ADAMTS17: variants seen among roughly 807,000 people sequenced by gnomAD.
ADAMTS17 encodes ADAM metallopeptidase with thrombospondin type 1 motif 17, also known as A disintegrin and metalloproteinase with thrombospondin motifs 17.
Under a neutral mutation model 141.5 loss-of-function variants are expected in ADAMTS17, and 113 were observed. The observed-to-expected ratio is 0.80, with a 90% CI of 0.69 to 0.93. The LOEUF (loss-of-function observed/expected upper bound fraction) is 0.93. Among genes scored for constraint, ADAMTS17 ranks in the 40% least tolerant of loss-of-function variants. ADAMTS17 has a pLI of 0.00. For synonymous variants in ADAMTS17, 768 were observed against 630.6 expected (o/e 1.22, Z -3.27); for missense variants, 1,659 against 1,517.9 (o/e 1.09, Z -1.54).
intron 15 of ADAMTS17, among the ~76,000 whole-genome samples, chr15:100,080,589 A>T (rs149328192): frequency 2.0e-5 from 3 of 152,196 alleles, no homozygotes; most frequent in Non-Finnish European, 4.4e-5. Flanking sequence ...TGCTGAAGGC[A>T]AAGGGAATAC....
intron 3 of ADAMTS17, among the ~76,000 whole-genome samples, chr15:100,329,013 A>G (rs1278600533): frequency 6.6e-6 from 1 of 152,156 alleles, no homozygotes; most frequent in Non-Finnish European, 1.5e-5. Context: ...TTTCAACACC[A>G]GCTGAACATC....
chr15:100,048,770 GGCAT>G, intron 18 of ADAMTS17, 83 bp downstream of exon 18: 2 of 1,569,328 alleles, frequency 1.3e-6, no homozygotes, highest in Non-Finnish European at 1.7e-6. Flanking sequence ...GCAGTACTGT[GGCAT>G]TAACTGCATA....
intron 10 of ADAMTS17, among the ~76,000 whole-genome samples, chr15:100,143,128 G>A (rs1229775798): frequency 1.3e-5 from 2 of 152,226 alleles, no homozygotes; most frequent in African/African-American, 4.8e-5. Flanking sequence ...CAGGGTGGTG[G>A]TGATGGGGCA....
intron 13 of ADAMTS17, among the ~76,000 whole-genome samples, chr15:100,110,412 C>T (rs35038809): frequency 0.27 from 40,160 of 150,860 alleles, 5,659 homozygotes; most frequent in East Asian, 0.37. Context: ...CTACAGGCAC[C>T]CGCCACCATG....
At chr15:100,241,458 T>C (rs1239151987) in intron 7 of ADAMTS17, among the ~76,000 whole-genome samples, 1 of 152,226 alleles carries the variant, frequency 6.6e-6, no homozygotes, top group Non-Finnish European at 1.5e-5. Flanking sequence ...TTCTGATTGT[T>C]GCGGTAATTT....
At chr15:100,149,086 C>T (rs571156106) in intron 10 of ADAMTS17, among the ~76,000 whole-genome samples, 54 of 152,350 alleles carry the variant, frequency 3.5e-4, no homozygotes, top group African/African-American at 1.2e-3. Context: ...TGAGGGATAA[C>T]AGCATATGTA....
intron 7 of ADAMTS17, among the ~76,000 whole-genome samples, chr15:100,199,690 C>T (rs1344727592): frequency 6.6e-6 from 1 of 152,184 alleles, no homozygotes; most frequent in African/African-American, 2.4e-5. Context: ...AACTTAATCC[C>T]CGTGACCCAG....
chr15:100,317,466 C>A (rs1335741295), intron 3 of ADAMTS17, among the ~76,000 whole-genome samples: 1 of 152,124 alleles, frequency 6.6e-6, no homozygotes, highest in African/African-American at 2.4e-5. Flanking sequence ...AGCAGAGGGT[C>A]TGCTTGACCC....
intron 14 of ADAMTS17, among the ~76,000 whole-genome samples, chr15:100,104,096 G>A (rs1363318337): frequency 2.0e-5 from 3 of 152,186 alleles, no homozygotes; most frequent in African/African-American, 4.8e-5. Flanking sequence ...AGTAAGGCAA[G>A]CATAGCTGGG....
intron 1 of ADAMTS17, 43 bp from the exon 2 acceptor site, chr15:100,341,452 C>G: frequency 8.9e-6 from 9 of 1,008,678 alleles, no homozygotes; most frequent in Non-Finnish European, 1.1e-5. Context: ...GGGGCCCGCC[C>G]GGACGCCCGC....
chr15:100,158,130 G>T (rs1195328371), intron 8 of ADAMTS17, among the ~76,000 whole-genome samples: 3 of 152,006 alleles, frequency 2.0e-5, no homozygotes, highest in African/African-American at 7.2e-5. Context: ...CTTGTGATCC[G>T]CCCGCCTCGG....
Position 100,199,137 on chromosome 15 carries a change from G to A in ADAMTS17, c.1181+181C>T, listed in dbSNP as rs62036172. 0.057 allele frequency among the ~76,000 whole-genome samples: 8,685 copies of A among 152,122 alleles called. 320 individuals carry two copies. Among genetic ancestry groups the A allele is most frequent in the Middle Eastern group, 0.13 (38 of 294 alleles). ...AACATTTCAACTCTCCAAGCCAATC[G>A]GTGCAGTCATCTCGTGGGGTCTCTG... is the stretch of plus-strand genomic sequence containing the variant. On this transcript the variant is annotated intron_variant, in intron 8 of 21. Transcript: ENST00000268070.
In ADAMTS17 at chr15:100,107,557, G is replaced by T. The variant is rs1387590056; in HGVS notation, c.2016+1432C>A. Among the ~76,000 whole-genome samples the T allele has an allele frequency of 2.0e-5, 3 of 152,254 alleles. No individual in the cohort carries two copies. In the South Asian group the frequency reaches 6.2e-4, roughly 32 times the overall value. On this transcript the variant is annotated intron_variant, in intron 14 of 21. Transcript: ENST00000268070. ...TTGTGTCTCCTCAAATCCACATGTT[G>T]AATCACCAGCCCTCAAGGTGATGGT...
intron 19 of ADAMTS17, among the ~76,000 whole-genome samples, chr15:99,995,403 C>G (rs959347510): frequency 3.3e-5 from 5 of 152,230 alleles, no homozygotes; most frequent in African/African-American, 1.2e-4. Flanking sequence ...CTCTGACCAG[C>G]AACCCATTCT....
rs566572858 is a variant in ADAMTS17 at position 100,019,206 on chromosome 15, A to G, written c.2592-21617T>C. On this transcript the variant is annotated intron_variant, in intron 18 of 21. Coordinates refer to ENST00000268070, the MANE Select transcript of ADAMTS17 (RefSeq NM_139057.4). ...CTAAGAGACTATTTAAGACACAACA[A>G]ACAATACTCTCTTCTGTTTGTGGAT... is the stretch of plus-strand genomic sequence containing the variant. Among the ~76,000 whole-genome samples the G allele has an allele frequency of 2.0e-5, 3 of 152,316 alleles. No homozygotes were observed. In the East Asian group the frequency reaches 5.8e-4, roughly 29 times the overall value.
At chr15:100,330,362 C>A (rs556730989) in intron 3 of ADAMTS17, among the ~76,000 whole-genome samples, 1 of 152,174 alleles carries the variant, frequency 6.6e-6, no homozygotes, top group Non-Finnish European at 1.5e-5. Flanking sequence ...GATGACTGGA[C>A]CCTCCCCCAG....
intron 14 of ADAMTS17, among the ~76,000 whole-genome samples, chr15:100,103,995 T>A (rs1322964970): frequency 6.6e-6 from 1 of 152,196 alleles, no homozygotes; most frequent in East Asian, 1.9e-4. Flanking sequence ...TTTGGCTTGG[T>A]ATTCATCAAG....
intron 7 of ADAMTS17, among the ~76,000 whole-genome samples, chr15:100,207,022 T>C (rs1567353273): frequency 6.6e-6 from 1 of 152,216 alleles, no homozygotes; most frequent in Non-Finnish European, 1.5e-5. Context: ...CTCACTGTTA[T>C]GGGCTAAACT....
chr15:100,209,088 TG>T (rs2041691535), intron 7 of ADAMTS17, among the ~76,000 whole-genome samples: 1 of 121,088 alleles, frequency 8.3e-6, no homozygotes, highest in African/African-American at 3.3e-5. Flanking sequence ...TGCAAGGCCA[TG>T]CATGGAAATA....
Sources: gnomAD v4.1 joint callset for allele counts (sites outside exome capture counted in the v4.1 genomes callset) on GRCh38, gnomAD v4.1.1 for gene constraint, MANE v1.5 for transcripts, NCBI Gene and HGNC (gene_info 2026-07-23, HGNC 2026-07-21) for gene names.